MBD5: variants seen among roughly 807,000 people sequenced by gnomAD.
The protein encoded by MBD5 is methyl-CpG-binding domain protein 5.
MBD5 carries 13 observed loss-of-function variants against 117.3 expected under a neutral mutation model. The observed-to-expected ratio is 0.11, with a 90% CI of 0.07 to 0.18. MBD5 has a LOEUF of 0.18. Among genes scored for constraint, MBD5 ranks in the 10% least tolerant of loss-of-function variants. The pLI, the probability that MBD5 is intolerant of heterozygous loss-of-function variation, is 1.00. For synonymous variants in MBD5, 727 were observed against 766.4 expected (o/e 0.95, Z 0.85); for missense variants, 1,879 against 2,093.8 (o/e 0.90, Z 2.00).
rs116196589 is a variant in MBD5, at chr2:148,194,853, A to G, written c.-831+16060A>G. 3.1e-3 allele frequency among the ~76,000 whole-genome samples: 468 copies of G among 152,286 alleles called. 1 individual carries two copies. The highest frequency in any genetic ancestry group is 0.011 in the African/African-American group (447 of 41,570). On this transcript the variant is annotated intron_variant, in intron 2 of 13. Transcript: ENST00000642680. ...CAAGGTGCTAAACTTAGAACCAACT[A>G]TATCATCACTATATTAAGTATAAAT...
intron 4 of MBD5, among the ~76,000 whole-genome samples, chr2:148,436,989 T>C (rs1020540793): frequency 7.9e-5 from 12 of 151,992 alleles, no homozygotes; most frequent in African/African-American, 2.7e-4. Flanking sequence ...TTTATTTATT[T>C]TTTATTTTTA....
Position 148,332,113 on chromosome 2 carries a change from AT to A in MBD5, c.-679-10093del, listed in dbSNP as rs542189955. On this transcript the variant is annotated intron_variant, in intron 3 of 13. Coordinates refer to ENST00000642680, the MANE Select transcript of MBD5 (RefSeq NM_001378120.1). ...CACATGATTATATTTCTACTTCTTG[AT>A]TTTTTTTCAATTTCACAGGTAATCT... 3.3e-5 allele frequency among the ~76,000 whole-genome samples: 5 copies of A among 151,952 alleles called. No homozygotes were observed. In the South Asian group the frequency reaches 8.3e-4, roughly 25 times the overall value.
At chr2:148,248,656 A>C (rs1179433707) in intron 3 of MBD5, among the ~76,000 whole-genome samples, 1 of 152,120 alleles carries the variant, frequency 6.6e-6, no homozygotes, top group African/African-American at 2.4e-5. Flanking sequence ...CTGTTTAATA[A>C]AGAAATATGA....
intron 3 of MBD5, among the ~76,000 whole-genome samples, chr2:148,246,902 C>T (rs373420756): frequency 2.6e-5 from 4 of 151,854 alleles, no homozygotes; most frequent in East Asian, 1.9e-4. Context: ...TCTATTATCA[C>T]GGATGATGAC....
At chr2:148,077,656 G>A (rs1038375656) in intron 1 of MBD5, among the ~76,000 whole-genome samples, 14 of 152,122 alleles carry the variant, frequency 9.2e-5, no homozygotes, top group East Asian at 7.7e-4. Context: ...ACCTAAGGAC[G>A]TGTAAGAATC....
intron 4 of MBD5, among the ~76,000 whole-genome samples, chr2:148,399,341 TG>T (rs1704841216): frequency 6.6e-6 from 1 of 152,170 alleles, no homozygotes; most frequent in Non-Finnish European, 1.5e-5. Flanking sequence ...AGCAGTGGTT[TG>T]TAGTTCTCCT....
chr2:148,242,521 C>T (rs1428576907), intron 3 of MBD5, among the ~76,000 whole-genome samples: 3 of 152,090 alleles, frequency 2.0e-5, no homozygotes, highest in Admixed American at 6.6e-5. Flanking sequence ...ACACTTAAAG[C>T]CAGCCCACTG....
At chr2:148,284,512 C>T (rs188064996) in intron 3 of MBD5, among the ~76,000 whole-genome samples, 3 of 152,242 alleles carry the variant, frequency 2.0e-5, no homozygotes, top group Admixed American at 6.5e-5. Context: ...ATCCTTGACT[C>T]GGTGCATGGC....
intron 4 of MBD5, among the ~76,000 whole-genome samples, chr2:148,393,685 T>C (rs1158460858): frequency 6.6e-6 from 1 of 152,212 alleles, no homozygotes; most frequent in Non-Finnish European, 1.5e-5. Context: ...CTTGTCCTTG[T>C]CCATTACCCT....
chr2:148,512,033 A>C (rs1366107750), intron 13 of MBD5, among the ~76,000 whole-genome samples: 1 of 152,208 alleles, frequency 6.6e-6, no homozygotes, highest in Non-Finnish European at 1.5e-5. Context: ...CAAAATGCTA[A>C]AATGGACTTG....
intron 3 of MBD5, among the ~76,000 whole-genome samples, chr2:148,339,786 T>TA (rs1442191500): frequency 2.0e-5 from 3 of 152,152 alleles, no homozygotes; most frequent in African/African-American, 7.2e-5. Context: ...CTATCCTCAA[T>TA]AAAAATATAT....
chr2:148,149,597 A>C (rs915515185), intron 1 of MBD5, among the ~76,000 whole-genome samples: 4 of 151,634 alleles, frequency 2.6e-5, no homozygotes, highest in African/African-American at 9.7e-5. Flanking sequence ...CCTCACCAGC[A>C]CCTGTTGTTT....
intron 1 of MBD5, among the ~76,000 whole-genome samples, chr2:148,031,934 T>G (rs1348678328): frequency 6.6e-6 from 1 of 152,170 alleles, no homozygotes; most frequent in African/African-American, 2.4e-5. Context: ...TTATGTTTTC[T>G]CCATTTTCTT....
At chr2:148,259,361 G>A (rs187179145) in intron 3 of MBD5, among the ~76,000 whole-genome samples, 1 of 152,294 alleles carries the variant, frequency 6.6e-6, no homozygotes, top group East Asian at 1.9e-4. Context: ...GCTTCCAGCT[G>A]CTTCAGCATA....
intron 1 of MBD5, among the ~76,000 whole-genome samples, chr2:148,125,020 A>G (rs1382295685): frequency 6.6e-6 from 1 of 151,556 alleles, no homozygotes; most frequent in Non-Finnish European, 1.5e-5. Flanking sequence ...ATTGAGATAT[A>G]TTATTCTAGA....
intron 4 of MBD5, among the ~76,000 whole-genome samples, chr2:148,356,491 AT>A (rs1269240793): frequency 6.6e-6 from 1 of 152,122 alleles, no homozygotes; most frequent in Non-Finnish European, 1.5e-5. Context: ...AATTTAATCC[AT>A]TTTTTAATTC....
Position 148,316,628 on chromosome 2 carries a change from A to T in MBD5, c.-679-25586A>T, listed in dbSNP as rs1416792393. Among the ~76,000 whole-genome samples, 3 of 152,222 alleles carry T rather than the reference A, an allele frequency of 2.0e-5. No individual in the cohort carries two copies. In the East Asian group the frequency reaches 5.8e-4, roughly 29 times the overall value. The stretch of plus-strand genomic sequence containing the variant: ...ATAAAATCATCATATTTCTTAAAAA[A>T]ATTAAACCCAGAATCTAGCATAATA... On this transcript the variant is annotated intron_variant, in intron 3 of 13. Transcript: ENST00000642680.
rs572893308 is a variant in MBD5 at position 148,485,878 on chromosome 2, G to A, written c.3681G>A (p.Ala1227=). The A allele has an allele frequency of 4.2e-5, 67 of 1,614,056 alleles. No homozygotes were observed. The highest frequency in any genetic ancestry group is 1.9e-4 in the African/African-American group (14 of 75,012). Residue 1227 remains alanine, a synonymous_variant, in exon 10 of 14, where the codon GCG becomes GCA. Coordinates refer to ENST00000642680, the MANE Select transcript of MBD5 (RefSeq NM_001378120.1). ...QLLQGYQNLQ[A]FQGQSTIPCP... is the part of the protein sequence containing the mutation. The stretch of plus-strand genomic sequence containing the variant: ...TCCAGGGGTACCAGAATCTCCAGGC[G>A]TTCCAAGGACAGTCCACAATTCCTT...
intron 3 of MBD5, among the ~76,000 whole-genome samples, chr2:148,289,609 C>T (rs1179447139): frequency 6.6e-6 from 1 of 152,024 alleles, no homozygotes; most frequent in Non-Finnish European, 1.5e-5. Flanking sequence ...CATAGAAAAA[C>T]ATTATCCACA....
Sources: gnomAD v4.1 joint callset for allele counts (sites outside exome capture counted in the v4.1 genomes callset) on GRCh38, gnomAD v4.1.1 for gene constraint, MANE v1.5 for transcripts, NCBI Gene and HGNC (gene_info 2026-07-23, HGNC 2026-07-21) for gene names.